NTRK3: variants seen among roughly 807,000 people sequenced by gnomAD.
NTRK3 encodes the protein NT-3 growth factor receptor.
NTRK3 carries 24 observed loss-of-function variants against 91.7 expected under a neutral mutation model. The ratio of observed to expected loss-of-function variants is 0.26; its 90% CI spans 0.19 to 0.37. The LOEUF (loss-of-function observed/expected upper bound fraction) is 0.37, where lower values mean the gene tolerates loss of function less well. Among genes scored for constraint, NTRK3 ranks in the 10% least tolerant of loss-of-function variants. NTRK3 has a pLI of 1.00. For synonymous variants in NTRK3, 483 were observed against 404.0 expected, an observed-to-expected ratio of 1.20 and a Z score of -2.34; for missense variants, 880 against 1,068.9, an observed-to-expected ratio of 0.82 and a Z score of 2.46.
At chr15:87,915,109 T>TGGTGGTGGTGGTGGTGAC (rs2067358791) in intron 17 of NTRK3, among the ~76,000 whole-genome samples, 1 of 152,104 alleles carries the variant, frequency 6.6e-6, no homozygotes, top group East Asian at 1.9e-4. Context: ...GGGGTGGTGA[T>TGGTGGTGGTGGTGGTGAC]GGTGGTGGTG....
chr15:88,134,062 T>C (rs955766502), intron 10 of NTRK3, among the ~76,000 whole-genome samples: 2 of 152,214 alleles, frequency 1.3e-5, no homozygotes, highest in Non-Finnish European at 2.9e-5. Context: ...TCTTTCTGCC[T>C]TTTCCCTTTG....
At chr15:87,884,270 T>C (rs2065412157) in intron 17 of NTRK3, among the ~76,000 whole-genome samples, 1 of 151,518 alleles carries the variant, frequency 6.6e-6, no homozygotes, top group African/African-American at 2.4e-5. Flanking sequence ...GCATTATTGG[T>C]TTACTAAAAA....
At chr15:88,127,116 T>C (rs753235675) in intron 12 of NTRK3, 46 bp downstream of exon 12, 4 of 1,507,476 alleles carry the variant, frequency 2.7e-6, no homozygotes, top group Admixed American at 3.4e-5. Flanking sequence ...AGTCTGAAAA[T>C]GACTATGCCA....
intron 5 of NTRK3, among the ~76,000 whole-genome samples, chr15:88,167,831 A>G (rs532222827): frequency 1.6e-3 from 238 of 152,310 alleles, no homozygotes; most frequent in African/African-American, 5.2e-3. Context: ...TTGAGTCCAG[A>G]AAAATGAAAG....
intron 3 of NTRK3, among the ~76,000 whole-genome samples, chr15:88,203,401 G>A (rs1453985293): frequency 1.3e-5 from 2 of 152,210 alleles, no homozygotes; most frequent in East Asian, 3.9e-4. Context: ...AAAGAATAAA[G>A]AGTTGCACTG....
At chr15:88,111,570 T>G (rs920150761) in intron 13 of NTRK3, among the ~76,000 whole-genome samples, 33 of 152,296 alleles carry the variant, frequency 2.2e-4, no homozygotes, top group African/African-American at 7.7e-4. Flanking sequence ...TGTCAAGGGC[T>G]TTCTGCAGGT....
At chr15:88,031,177 G>A (rs2078501498) in intron 14 of NTRK3, among the ~76,000 whole-genome samples, 2 of 152,214 alleles carry the variant, frequency 1.3e-5, no homozygotes, top group African/African-American at 4.8e-5. Flanking sequence ...TTGATAAAAT[G>A]TGACCCGAGG....
chr15:87,918,024 T>G (rs1023845604), intron 17 of NTRK3, among the ~76,000 whole-genome samples: 2 of 152,170 alleles, frequency 1.3e-5, no homozygotes, highest in African/African-American at 4.8e-5. Context: ...TATTTGTTTG[T>G]TTGTTTTCAT....
intron 10 of NTRK3, among the ~76,000 whole-genome samples, chr15:88,132,532 G>C (rs1293633975): frequency 1.3e-5 from 2 of 152,204 alleles, no homozygotes; most frequent in Non-Finnish European, 2.9e-5. Context: ...ACCTAAGTCT[G>C]TCTGATTTCA....
chr15:88,136,164 GT>G (rs2041859073), intron 8 of NTRK3, 124 bp from the exon 9 acceptor site: 5 of 1,274,942 alleles, frequency 3.9e-6, no homozygotes, highest in Middle Eastern at 1.9e-4. Context: ...AGATCTTTGT[GT>G]GAAAGCACAC....
chr15:87,958,307 C>T (rs2071885892), intron 14 of NTRK3, among the ~76,000 whole-genome samples: 1 of 152,078 alleles, frequency 6.6e-6, no homozygotes, highest in East Asian at 1.9e-4. Flanking sequence ...AACTTCAGCC[C>T]ACCTCAACTC....
At chr15:87,979,146 G>T in intron 14 of NTRK3, 1 of 625,432 alleles carries the variant, frequency 1.6e-6, no homozygotes. Context: ...GATGATTGGA[G>T]GGAAGGGGCA....
chr15:88,197,670 G>A (rs1271215330), intron 3 of NTRK3, among the ~76,000 whole-genome samples: 1 of 152,188 alleles, frequency 6.6e-6, no homozygotes, highest in African/African-American at 2.4e-5. Context: ...GAGAGGAAAG[G>A]GGGTTGCTAA....
chr15:88,177,196 T>G (rs955511097), intron 5 of NTRK3, among the ~76,000 whole-genome samples: 3 of 152,154 alleles, frequency 2.0e-5, no homozygotes, highest in African/African-American at 7.2e-5. Context: ...CCTGTGGCCA[T>G]GGAAAGGGGC....
chr15:88,159,553 T>C (rs1231877528), intron 5 of NTRK3, among the ~76,000 whole-genome samples: 4 of 152,170 alleles, frequency 2.6e-5, no homozygotes, highest in African/African-American at 9.7e-5. Flanking sequence ...CTGGTGAAAT[T>C]TTGTTTTCCC....
intron 17 of NTRK3, among the ~76,000 whole-genome samples, chr15:87,910,644 G>C (rs1039441149): frequency 6.6e-6 from 1 of 152,142 alleles, no homozygotes; most frequent in Non-Finnish European, 1.5e-5. Context: ...GAGTGCATGA[G>C]GTTTGCAAAG....
chr15:88,018,356 C>T (rs1261068291), intron 14 of NTRK3, among the ~76,000 whole-genome samples: 1 of 152,134 alleles, frequency 6.6e-6, no homozygotes, highest in African/African-American at 2.4e-5. Context: ...CAAGATCTCC[C>T]AAAAGGTGGG....
chr15:87,895,274 C>A (rs2066056075), intron 17 of NTRK3, among the ~76,000 whole-genome samples: 1 of 152,206 alleles, frequency 6.6e-6, no homozygotes, highest in Non-Finnish European at 1.5e-5. Context: ...TACTACTGTA[C>A]TATAGCATAC....
rs112585805 is a variant in NTRK3 at position 88,175,194 on chromosome 15, C to T, written c.395+8224G>A. 4.3e-3 allele frequency among the ~76,000 whole-genome samples: 658 copies of T among 152,342 alleles called. 7 individuals carry two copies. The highest frequency in any genetic ancestry group is 0.015 in the African/African-American group (612 of 41,574). ...AAAAGTGTATTTCTCTCTCCCACTACATGTCAACAGAGGTCAGCTGTGGCT... is the reference window on the plus strand; with the variant it reads ...AAAAGTGTATTTCTCTCTCCCACTATATGTCAACAGAGGTCAGCTGTGGCT... On this transcript the variant is annotated intron_variant, in intron 5 of 18. Transcript: ENST00000394480.
Sources: gnomAD v4.1 joint callset for allele counts (sites outside exome capture counted in the v4.1 genomes callset) on GRCh38, gnomAD v4.1.1 for gene constraint, MANE v1.5 for transcripts, NCBI Gene and HGNC (gene_info 2026-07-23, HGNC 2026-07-21) for gene names.